The following SSBP3 variants were observed in gnomAD, a reference collection of about 807,000 sequenced individuals.
SSBP3 encodes single stranded DNA binding protein 3, also known as single-stranded DNA-binding protein 3.
A neutral mutation model predicts 69.6 loss-of-function variants in SSBP3; 5 were observed. That is an observed-to-expected ratio of 0.07 (90% CI 0.04 to 0.15). The LOEUF (loss-of-function observed/expected upper bound fraction) is 0.15, where lower values mean the gene tolerates loss of function less well. Among genes scored for constraint, SSBP3 ranks in the 10% least tolerant of loss-of-function variants. The pLI, the probability that SSBP3 is intolerant of heterozygous loss-of-function variation, is 1.00. For missense variants in SSBP3, 312 were observed against 534.0 expected, an observed-to-expected ratio of 0.58 and a Z score of 4.10; for synonymous variants, 196 against 193.4, an observed-to-expected ratio of 1.01 and a Z score of -0.11.
intron 13 of SSBP3, among the ~76,000 whole-genome samples, chr1:54,240,335 G>A (rs1475270327): frequency 6.6e-6 from 1 of 151,474 alleles, no homozygotes. Flanking sequence ...GTGCGTGCCT[G>A]TAATCCCAGC....
chr1:54,404,639 T>C lies in SSBP3; in HGVS notation c.130-2A>G. On this transcript the variant is annotated splice_acceptor_variant, in intron 2 of 17. Transcript: ENST00000610401. LOFTEE classifies it high-confidence loss of function. The stretch of plus-strand genomic sequence containing the variant: ...CGTGATGTTTTTTTCCCATCGAATC[T>C]GGAAAGGTAAGAGCAGAAGCAGCTT... The C allele has an allele frequency of 6.2e-7, 1 of 1,613,580 alleles. No homozygotes were observed. Among genetic ancestry groups the C allele is most frequent in the East Asian group, 2.2e-5 (1 of 44,858 alleles).
chr1:54,259,869 AGT>A (rs1491481113), intron 5 of SSBP3, among the ~76,000 whole-genome samples: 8 of 152,226 alleles, frequency 5.3e-5, no homozygotes, highest in African/African-American at 1.9e-4. Context: ...AATTTCAACA[AGT>A]GTGTGTCTTT....
intron 4 of SSBP3, among the ~76,000 whole-genome samples, chr1:54,391,283 T>C (rs983030977): frequency 7.9e-5 from 12 of 152,186 alleles, no homozygotes; most frequent in Non-Finnish European, 1.6e-4. Context: ...GGCCACTGTT[T>C]CCTATCATTT....
chr1:54,337,492 T>C, intron 4 of SSBP3, among the ~76,000 whole-genome samples: 1 of 103,044 alleles, frequency 9.7e-6, no homozygotes, highest in African/African-American at 4.4e-5. Context: ...AAGCTTTTTT[T>C]TTTTTTTTTT....
At chr1:54,254,541 C>T (rs948628219) in intron 7 of SSBP3, among the ~76,000 whole-genome samples, 2 of 152,226 alleles carry the variant, frequency 1.3e-5, no homozygotes, top group Non-Finnish European at 2.9e-5. Flanking sequence ...TGACCCTTTG[C>T]TTCTTGTTTC....
chr1:54,303,421 C>T (rs1003031661), intron 4 of SSBP3, among the ~76,000 whole-genome samples: 2 of 152,062 alleles, frequency 1.3e-5, no homozygotes, highest in Non-Finnish European at 1.5e-5. Context: ...CAGCCTCTGG[C>T]TCATTACTTC....
rs115314389 is a variant in SSBP3, at chr1:54,248,439, C to T, written c.651+3177G>A. ...CCCCATGAGGCCATCACTTGCTGCCCGTTTTGCAGATGACAGACTGGAGGC... is the reference window on the plus strand; with the variant it reads ...CCCCATGAGGCCATCACTTGCTGCCTGTTTTGCAGATGACAGACTGGAGGC... On this transcript the variant is annotated intron_variant, in intron 9 of 17. Transcript: ENST00000610401. Among the ~76,000 whole-genome samples the T allele has an allele frequency of 4.5e-3, 681 of 152,312 alleles. 8 individuals carry two copies. Among genetic ancestry groups the T allele is most frequent in the African/African-American group, 0.016 (659 of 41,548 alleles).
intron 4 of SSBP3, among the ~76,000 whole-genome samples, chr1:54,392,959 G>C (rs746062631): frequency 1.3e-5 from 2 of 152,180 alleles, no homozygotes; most frequent in Non-Finnish European, 2.9e-5. Context: ...GGCAGGCCTG[G>C]TGGAGGCAGC....
At chr1:54,229,079 T>G (rs1644337575) in intron 14 of SSBP3, among the ~76,000 whole-genome samples, 1 of 152,062 alleles carries the variant, frequency 6.6e-6, no homozygotes, top group Non-Finnish European at 1.5e-5. Context: ...GCCACCCAAC[T>G]CCACACAGAG....
chr1:54,375,886 G>A lies in SSBP3; in HGVS notation c.276+25975C>T, dbSNP rs78114551. ...AGGCAAGGCCAGCCCAGTGCCATCC[G>A]CTGCCCAGGGGGGCCACAAGGTGGT... On this transcript the variant is annotated intron_variant, in intron 4 of 17. Coordinates refer to ENST00000610401, the Ensembl canonical transcript of SSBP3. Among the ~76,000 whole-genome samples, 6 of 152,304 alleles carry A rather than the reference G, an allele frequency of 3.9e-5. No homozygotes were observed. The East Asian group carries it at 9.7e-4, about 25-fold the overall frequency.
chr1:54,405,800 C>T (rs1240289671), intron 1 of SSBP3, among the ~76,000 whole-genome samples, 153 bp downstream of exon 1: 3 of 150,618 alleles, frequency 2.0e-5, no homozygotes, highest in Non-Finnish European at 4.5e-5. Flanking sequence ...CCCGCCGCGG[C>T]CTCGGGGAAG....
At position 54,357,929 on chromosome 1, in the gene SSBP3, C is replaced by T. The variant is rs117684528; in HGVS notation, c.276+43932G>A. ...ACTCTCCAAAGTAAAGGAAGATGGA[C>T]AAACAGCACTTCCACACCTACACTA... On this transcript the variant is annotated intron_variant, in intron 4 of 17. Transcript: ENST00000610401. Among the ~76,000 whole-genome samples the T allele has an allele frequency of 6.2e-4, 94 of 152,284 alleles. 1 individual carries two copies. The East Asian group carries it at 0.017, about 28-fold the overall frequency.
At chr1:54,238,558 C>G in intron 14 of SSBP3, 1 of 348,982 alleles carries the variant, frequency 2.9e-6, no homozygotes, top group South Asian at 2.5e-5. Flanking sequence ...GCAGGGGACA[C>G]AGGAGGAAGT....
chr1:54,350,273 C>G (rs1450775573), intron 4 of SSBP3, among the ~76,000 whole-genome samples: 1 of 152,166 alleles, frequency 6.6e-6, no homozygotes, highest in African/African-American at 2.4e-5. Context: ...AATAATAGTG[C>G]CTCCCAACAG....
At chr1:54,226,736 T>C (rs1430565906) in exon 18 of SSBP3, 1 of 194,006 alleles carries the variant, frequency 5.2e-6, no homozygotes, top group East Asian at 1.6e-4. Context: ...AAGCTTCCAT[T>C]TAAAAAAATT....
rs938841277 is a variant in SSBP3 at position 54,258,268 on chromosome 1, G to C, written c.367-119C>G. 8 of 694,354 alleles carry C rather than the reference G, an allele frequency of 1.2e-5. 1 individual carries two copies. The highest frequency in any genetic ancestry group is 3.8e-5 in the African/African-American group (2 of 52,844). 43.0% of individuals were successfully genotyped at this position (694,354 alleles called of 1,614,324 possible). A position where few individuals can be genotyped will look rare whatever the true frequency, so the allele number is the denominator to read the frequency against. On this transcript the variant is annotated intron_variant, in intron 5 of 17. Transcript: ENST00000610401. This position sits in a 1 kb window ranked among gnomAD's most constrained non-coding sequence, Gnocchi z 4.5. ...GGGTGGGCGGCGGGCGTGCGGGGGG[G>C]TGGGCTCTGGTTGGTGGGAGGTGGT...
chr1:54,246,667 G>A (rs1184047153), intron 9 of SSBP3, among the ~76,000 whole-genome samples: 2 of 152,184 alleles, frequency 1.3e-5, no homozygotes, highest in Non-Finnish European at 2.9e-5. Context: ...TTCCTAGAGG[G>A]AGCTTCTCCA....
chr1:54,301,064 T>C (rs1645792325), intron 4 of SSBP3, among the ~76,000 whole-genome samples: 1 of 152,094 alleles, frequency 6.6e-6, no homozygotes, highest in Non-Finnish European at 1.5e-5. Flanking sequence ...AGCTTATCTA[T>C]TTCCCCCTTC....
intron 4 of SSBP3, among the ~76,000 whole-genome samples, chr1:54,298,930 AACACACACACACACAC>A (rs10525954): frequency 8.0e-5 from 11 of 137,174 alleles, no homozygotes; most frequent in African/African-American, 3.0e-4. Context: ...ACAAAAACAA[AACACACACACACACAC>A]ACACACACAC....
Sources: allele counts gnomAD v4.1 joint callset (sites outside exome capture counted in the v4.1 genomes callset), GRCh38; gene constraint gnomAD v4.1.1; non-coding constraint Gnocchi (gnomAD v3.1); transcripts MANE v1.5; gene names NCBI Gene and HGNC (gene_info 2026-07-23, HGNC 2026-07-21).